The following OTOG variants were observed in gnomAD, a reference collection of about 807,000 sequenced individuals.
OTOG encodes otogelin.
Under a neutral mutation model 313.8 loss-of-function variants are expected in OTOG, and 296 were observed. The observed-to-expected ratio is 0.94, with a 90% CI of 0.86 to 1.04. OTOG has a LOEUF of 1.04. OTOG is among the 50% of genes least tolerant of loss of function. The probability of loss-of-function intolerance (pLI) is 0.00; values close to 1 mark genes in which losing one functional copy is unlikely to be tolerated. For missense variants in OTOG, 3,948 were observed against 3,840.1 expected, an observed-to-expected ratio of 1.03 and a Z score of -0.74; for synonymous variants, 1,533 against 1,554.9, an observed-to-expected ratio of 0.99 and a Z score of 0.33.
chr11:17,645,634 C>A lies in OTOG; in HGVS notation c.8532C>A (p.Ser2844Arg), dbSNP rs1041935628. The A allele has an allele frequency of 1.3e-6, 2 of 1,550,714 alleles. No homozygotes were observed. Among genetic ancestry groups the A allele is most frequent in the Non-Finnish European group, 1.7e-6 (2 of 1,147,020 alleles). Residue 2844 changes from serine (S) to arginine (R), a missense_variant, in exon 55 of 56, where the codon AGC becomes AGA. Physicochemically the swap from Ser to Arg is moderately radical, Grantham distance 110. Transcript: ENST00000399397. ...RMTIRKNECR[S>R]STPVNLVSCD... The stretch of plus-strand genomic sequence containing the variant: ...CCATCCGCAAGAATGAATGCAGGAG[C>A]AGCACCCCTGTGCGTGGTGCCCACA...
intron 18 of OTOG, 117 bp from the exon 19 acceptor site, chr11:17,572,961 C>T (rs1021783572): frequency 3.0e-5 from 29 of 977,350 alleles, no homozygotes; most frequent in African/African-American, 1.5e-4. Flanking sequence ...TGCCTACATC[C>T]GTACAGCGTG....
intron 31 of OTOG, 116 bp downstream of exon 31, chr11:17,599,813 C>T (rs889349779): frequency 1.7e-5 from 22 of 1,257,674 alleles, no homozygotes; most frequent in Middle Eastern, 1.8e-4. Flanking sequence ...AGCCGTGACC[C>T]GGAATGGGAG....
intron 39 of OTOG, among the ~76,000 whole-genome samples, chr11:17,617,632 T>C (rs1408954386): frequency 6.6e-6 from 1 of 152,250 alleles, no homozygotes; most frequent in Non-Finnish European, 1.5e-5. Flanking sequence ...TTTTAATTTC[T>C]GTAGGATCTG....
chr11:17,591,136 C>T (rs1242964401), intron 24 of OTOG, among the ~76,000 whole-genome samples: 1 of 152,096 alleles, frequency 6.6e-6, no homozygotes, highest in African/African-American at 2.4e-5. Flanking sequence ...TGGTAGGCAC[C>T]TAATATTTGT....
chr11:17,548,030 TC>T (rs1851847321), intron 2 of OTOG, 43 bp downstream of exon 2: 2 of 1,095,394 alleles, frequency 1.8e-6, no homozygotes, highest in South Asian at 4.2e-5. Flanking sequence ...ACAGCTCCCA[TC>T]CGTATTTCTG....
intron 15 of OTOG, among the ~76,000 whole-genome samples, chr11:17,562,283 AG>A (rs1335206866): frequency 6.6e-6 from 1 of 150,740 alleles, no homozygotes; most frequent in Non-Finnish European, 1.5e-5. Context: ...ATCTACAAAA[AG>A]TTAGTTTTGA....
chr11:17,609,516 G>T, intron 35 of OTOG, 139 bp from the exon 36 acceptor site: 1 of 819,256 alleles, frequency 1.2e-6, no homozygotes, highest in Non-Finnish European at 1.9e-6. Flanking sequence ...CAGACCTGCT[G>T]ACATCTGGCC....
intron 52 of OTOG, 30 bp downstream of exon 52, chr11:17,641,981 A>G: frequency 6.5e-7 from 1 of 1,543,620 alleles, no homozygotes; most frequent in Non-Finnish European, 8.8e-7. Flanking sequence ...CCCACTTAGG[A>G]GGGTGTCCCA....
chr11:17,609,500 G>A lies in OTOG; in HGVS notation c.4355-155G>A, dbSNP rs61880560. On this transcript the variant is annotated intron_variant, in intron 35 of 55. Transcript: ENST00000399397. ...GGGGTCAGGGTCTGACGTCTGGGGC[G>A]GAGTCCAGACCTGCTGACATCTGGC... Among the ~76,000 whole-genome samples, 21,425 of 151,898 alleles carry A rather than the reference G, an allele frequency of 0.14. 1,625 individuals carry two copies. The highest frequency in any genetic ancestry group is 0.18 in the Non-Finnish European group (12,315 of 67,890).
In OTOG at chr11:17,610,225, G is replaced by T; in HGVS notation, c.4925G>T (p.Ser1642Ile). The T allele has an allele frequency of 1.3e-6, 2 of 1,550,474 alleles. No homozygotes were observed. The highest frequency in any genetic ancestry group is 1.7e-6 in the Non-Finnish European group (2 of 1,146,890). Reference protein sequence around the residue: ...TTPPQPSLTASPSSRPVASPG... With the variant: ...TTPPQPSLTAIPSSRPVASPG... The stretch of plus-strand genomic sequence containing the variant: ...CCCCCACAGCCCTCCTTGACAGCAA[G>T]TCCCTCCTCCAGACCTGTGGCTTCC... Residue 1642 changes from serine (S) to isoleucine (I), a missense_variant, in exon 36 of 56, where the codon AGT (serine) becomes ATT (isoleucine). Ser to Ile is a moderately radical substitution (Grantham distance 142). Transcript: ENST00000399397.
Position 17,610,427 on chromosome 11 carries a change from C to T in OTOG, c.5127C>T (p.Val1709=), listed in dbSNP as rs933876214. ...GAACAGCAGCAGAACAGGTTCCTGT[C>T]AGTCCCCTTGCAACCAGGAGCTTGG... ...VAGTAAEQVP[V]SPLATRSLEI... The change falls in exon 36 of 56, where the codon GTC becomes GTT. Residue 1709 remains valine, a synonymous_variant. Coordinates refer to ENST00000399397, the MANE Select transcript of OTOG (RefSeq NM_001292063.2). The T allele has an allele frequency of 4.1e-5, 64 of 1,550,470 alleles. No individual in the cohort carries two copies. Among genetic ancestry groups the T allele is most frequent in the Non-Finnish European group, 5.3e-5 (61 of 1,146,978 alleles).
At chr11:17,605,768 G>C (rs11024340) in intron 32 of OTOG, 89 bp from the exon 33 acceptor site, 1 of 1,396,646 alleles carries the variant, frequency 7.2e-7, no homozygotes, top group Non-Finnish European at 9.6e-7. Flanking sequence ...ATCCAGAGTC[G>C]CTGAGAGAGC....
chr11:17,553,399 C>T lies in OTOG; in HGVS notation c.420C>T (p.Cys140=), dbSNP rs1486740012. 1 of 1,464,906 alleles carries T rather than the reference C, an allele frequency of 6.8e-7. No individual in the cohort carries two copies. The highest frequency in any genetic ancestry group is 9.0e-7 in the Non-Finnish European group (1 of 1,105,216). The allele number at this position is 1,464,906 out of a possible 1,614,324, so 90.7% of individuals were successfully genotyped here. Residue 140 remains cysteine (C), a synonymous_variant, in exon 6 of 56, where the codon TGC becomes TGT. Transcript: ENST00000399397. Reference sequence around the variant, plus strand: ...CCGGCCCTGAGAGGGACAGCATTTGCCGGGCGTGGGGGCAGCACCACGTGG... The same window carrying T: ...CCGGCCCTGAGAGGGACAGCATTTGTCGGGCGTGGGGGCAGCACCACGTGG... ...YNAGPERDSI[C]RAWGQHHVET... is the part of the protein sequence containing the mutation.
At chr11:17,564,375 G>C (rs955529672) in intron 15 of OTOG, among the ~76,000 whole-genome samples, 1 of 152,208 alleles carries the variant, frequency 6.6e-6, no homozygotes, top group African/African-American at 2.4e-5. Flanking sequence ...CATGACAGAA[G>C]TGGCATTTGG....
chr11:17,552,381 G>A (rs567433879), intron 4 of OTOG, among the ~76,000 whole-genome samples: 1 of 152,176 alleles, frequency 6.6e-6, no homozygotes, highest in Non-Finnish European at 1.5e-5. Flanking sequence ...CATCCCACCT[G>A]GTTCTGTGGC....
chr11:17,634,053 C>T lies in OTOG; in HGVS notation c.7268-16C>T. 6.5e-7 allele frequency: 1 copy of T among 1,538,640 alleles called. No individual in the cohort carries two copies. On this transcript the variant is annotated splice_polypyrimidine_tract_variant and intron_variant, in intron 43 of 55. Transcript: ENST00000399397. Reference sequence around the variant, plus strand: ...ACCTTCCTCAGTCCCTCGCACCCTGCCATTCCCCTCTGCAGCCTGCACTGA... The same window carrying T: ...ACCTTCCTCAGTCCCTCGCACCCTGTCATTCCCCTCTGCAGCCTGCACTGA...
At chr11:17,622,259 T>C (rs905502594) in intron 39 of OTOG, among the ~76,000 whole-genome samples, 1 of 152,134 alleles carries the variant, frequency 6.6e-6, no homozygotes, top group African/African-American at 2.4e-5. Context: ...AGATAGTAGG[T>C]ATATATATTT....
At chr11:17,620,807 T>C (rs1318478519) in intron 39 of OTOG, among the ~76,000 whole-genome samples, 2 of 152,226 alleles carry the variant, frequency 1.3e-5, no homozygotes, top group Non-Finnish European at 2.9e-5. Context: ...CTCTTGGGTC[T>C]TTTTTAATTC....
At position 17,569,159 on chromosome 11, in the gene OTOG, C is replaced by G. The variant is rs1420033986; in HGVS notation, c.1648C>G (p.Gln550Glu). The stretch of plus-strand genomic sequence containing the variant: ...ATTGACCTTTCTATCTCTCCAGAAC[C>G]AAGATGGAGCCTGTGTCCAGTCAGT... ...TLQNAPCGLN[Q>E]DGACVQSVSV... Residue 550 changes from glutamine to glutamate, a missense_variant, in exon 16 of 56, where the codon CAA becomes GAA. Physicochemically the swap from Gln to Glu is conservative, Grantham distance 29 (BLOSUM62 2). Transcript: ENST00000399397. The G allele has an allele frequency of 1.9e-6, 3 of 1,550,516 alleles. No homozygotes were observed. The African/African-American group carries it at 4.1e-5, about 21-fold the overall frequency.
Sources: allele counts gnomAD v4.1 joint callset (sites outside exome capture counted in the v4.1 genomes callset), GRCh38; gene constraint gnomAD v4.1.1; transcripts MANE v1.5; gene names NCBI Gene and HGNC (gene_info 2026-07-23, HGNC 2026-07-21).